PITPNM3: variants seen among roughly 807,000 people sequenced by gnomAD.
The protein encoded by PITPNM3 is PITPNM family member 3.
Under a neutral mutation model 102.0 loss-of-function variants are expected in PITPNM3, and 26 were observed. That is an observed-to-expected ratio of 0.25 (90% CI 0.19 to 0.35). The LOEUF (loss-of-function observed/expected upper bound fraction) is 0.35, where lower values mean the gene tolerates loss of function less well. Among genes scored for constraint, PITPNM3 ranks in the 10% least tolerant of loss-of-function variants. The probability of loss-of-function intolerance (pLI) is 1.00; values close to 1 mark genes in which losing one functional copy is unlikely to be tolerated. For missense variants in PITPNM3, 1,083 were observed against 1,346.1 expected, an observed-to-expected ratio of 0.80 and a Z score of 3.06; for synonymous variants, 578 against 558.6, an observed-to-expected ratio of 1.03 and a Z score of -0.49.
At chr17:6,549,398 G>A (rs917524502) in intron 1 of PITPNM3, among the ~76,000 whole-genome samples, 3 of 152,366 alleles carry the variant, frequency 2.0e-5, no homozygotes, top group Non-Finnish European at 2.9e-5. Flanking sequence ...ATGAACGTGT[G>A]AGCCTCACAA....
chr17:6,520,200 T>C (rs1248313486), intron 3 of PITPNM3, among the ~76,000 whole-genome samples: 1 of 152,222 alleles, frequency 6.6e-6, no homozygotes, highest in East Asian at 1.9e-4. Context: ...TGAAGTTTGA[T>C]AATATCAAAT....
intron 3 of PITPNM3, among the ~76,000 whole-genome samples, chr17:6,506,987 T>C (rs1156312591): frequency 6.6e-6 from 1 of 152,226 alleles, no homozygotes; most frequent in Non-Finnish European, 1.5e-5. Context: ...ACCCTTGGAA[T>C]GCTCTATGGC....
At chr17:6,515,602 G>A (rs1319397567) in intron 3 of PITPNM3, among the ~76,000 whole-genome samples, 1 of 152,004 alleles carries the variant, frequency 6.6e-6, no homozygotes, top group Non-Finnish European at 1.5e-5. Context: ...AGTGTTAATG[G>A]CAGCTGTGTG....
intron 10 of PITPNM3, 66 bp downstream of exon 10, chr17:6,474,366 G>A (rs1047446409): frequency 6.4e-7 from 1 of 1,558,154 alleles, no homozygotes; most frequent in Non-Finnish European, 8.8e-7. Flanking sequence ...TCCTCATTCT[G>A]AGGCCCTGAC....
intron 4 of PITPNM3, among the ~76,000 whole-genome samples, chr17:6,501,837 C>A (rs1597387847): frequency 6.6e-6 from 1 of 152,180 alleles, no homozygotes; most frequent in African/African-American, 2.4e-5. Context: ...TCCCCCGTGG[C>A]CTTGCATGGT....
At chr17:6,555,608 C>T (rs1283236363) in intron 1 of PITPNM3, among the ~76,000 whole-genome samples, 1 of 152,244 alleles carries the variant, frequency 6.6e-6, no homozygotes, top group Non-Finnish European at 1.5e-5. Flanking sequence ...GGGCCTGGGT[C>T]TCCCCAGCAT....
chr17:6,534,611 G>T (rs771400605), intron 2 of PITPNM3, among the ~76,000 whole-genome samples: 6 of 152,144 alleles, frequency 3.9e-5, no homozygotes, highest in Non-Finnish European at 7.4e-5. Context: ...GGTGGTGGTG[G>T]GGGGCAGGGG....
In PITPNM3 at chr17:6,472,096, C is replaced by T. The variant is rs901198959; in HGVS notation, c.1429+561G>A. 6.6e-6 allele frequency among the ~76,000 whole-genome samples: 1 copy of T among 152,176 alleles called. No homozygotes were observed. Among genetic ancestry groups the T allele is most frequent in the Non-Finnish European group, 1.5e-5 (1 of 68,032 alleles). ...TGACTGTCCATTACAGGTCTCCCAT[C>T]GACGATACACTCGGTCCATGCCCGG... On this transcript the variant is annotated intron_variant, in intron 11 of 19. Coordinates refer to ENST00000262483, the MANE Select transcript of PITPNM3 (RefSeq NM_031220.4). This position sits in a 1 kb window ranked among gnomAD's most constrained non-coding sequence, Gnocchi z 4.1.
chr17:6,470,551 G>A lies in PITPNM3; in HGVS notation c.1625-143C>T, dbSNP rs1377498187. ...GGCGGGAGCACCCTGGCCTGGAGGA[G>A]GCCTGGGGAACGCGCTGCTCTTCCT... is the stretch of plus-strand genomic sequence containing the variant. On this transcript the variant is annotated intron_variant, in intron 12 of 19. Transcript: ENST00000262483. The surrounding 1 kb of genome is among the most constrained non-coding windows in gnomAD (Gnocchi z 4.8). 1.8e-6 allele frequency: 2 copies of A among 1,087,458 alleles called. No homozygotes were observed. Among genetic ancestry groups the A allele is most frequent in the South Asian group, 1.3e-5 (1 of 76,378 alleles). The allele number at this position is 1,087,458 out of a possible 1,614,324, so 67.4% of individuals were successfully genotyped here.
chr17:6,544,540 T>A (rs979562968), intron 1 of PITPNM3, among the ~76,000 whole-genome samples: 2 of 149,782 alleles, frequency 1.3e-5, no homozygotes, highest in Non-Finnish European at 3.0e-5. Context: ...TCAAAAAAAA[T>A]AAAAATAAAA....
chr17:6,539,489 A>G (rs1393207013), intron 1 of PITPNM3, among the ~76,000 whole-genome samples: 1 of 152,224 alleles, frequency 6.6e-6, no homozygotes, highest in Non-Finnish European at 1.5e-5. Context: ...TACCAGAACT[A>G]ACAACTGAGT....
At position 6,468,244 on chromosome 17, in the gene PITPNM3, C is replaced by T. The variant is rs993436432; in HGVS notation, c.1871G>A (p.Arg624Gln). The T allele has an allele frequency of 3.7e-6, 6 of 1,613,420 alleles. No individual in the cohort carries two copies. The highest frequency in any genetic ancestry group is 5.1e-6 in the Non-Finnish European group (6 of 1,180,008). The change falls in exon 14 of 20, where the codon CGG (arginine) becomes CAG (glutamine). Residue 624 changes from arginine (R) to glutamine (Q), a missense_variant. Arg to Gln is a conservative substitution (Grantham distance 43). This residue lies in a region of PITPNM3 where 410 missense variants were observed against 638.4 expected (regional missense o/e 0.64). Transcript: ENST00000262483. The surrounding 1 kb of genome is among the most constrained non-coding windows in gnomAD (Gnocchi z 5.2). Reference protein sequence around the residue: ...ANPREKWLRKRTQVKLRNVTA... With the variant: ...ANPREKWLRKQTQVKLRNVTA... ...ACGCACCCTCAGCTTGACCTGAGTC[C>T]GCTTACGAAGCCACTTCTCCCGGGG...
At chr17:6,494,694 C>T (rs888783008) in intron 4 of PITPNM3, among the ~76,000 whole-genome samples, 1 of 152,220 alleles carries the variant, frequency 6.6e-6, no homozygotes, top group African/African-American at 2.4e-5. Context: ...ACGATCTCTT[C>T]ATTCATTGCT....
chr17:6,476,931 T>C lies in PITPNM3; in HGVS notation c.1085+98A>G, dbSNP rs543102672. 105 of 1,426,436 alleles carry C rather than the reference T, an allele frequency of 7.4e-5. No individual in the cohort carries two copies. The South Asian group carries it at 1.2e-3, about 17-fold the overall frequency. The allele number at this position is 1,426,436 out of a possible 1,614,324, so 88.4% of individuals were successfully genotyped here. On this transcript the variant is annotated intron_variant, in intron 9 of 19. Coordinates refer to ENST00000262483, the MANE Select transcript of PITPNM3 (RefSeq NM_031220.4). ...GTCCCAGCATTTCAGTGCTTATCTA[T>C]GGGCCCCCATGGAAGGGCCTGGGAC...
At position 6,484,157 on chromosome 17, in the gene PITPNM3, C is replaced by A; in HGVS notation, c.351+59G>T. 2.7e-6 allele frequency: 4 copies of A among 1,507,340 alleles called. No individual in the cohort carries two copies. The South Asian group carries it at 4.5e-5, about 17-fold the overall frequency. 93.4% of individuals were successfully genotyped at this position (1,507,340 alleles called of 1,614,324 possible). A position where few individuals can be genotyped will look rare whatever the true frequency, so the allele number is the denominator to read the frequency against. On this transcript the variant is annotated intron_variant, in intron 5 of 19. Transcript: ENST00000262483. ...AACGAGGCCGCCTATGATCCGAGGG[C>A]TCTTGCTAAAATCCTGGCCTCTGAG...
At chr17:6,494,282 C>T (rs1048885194) in intron 4 of PITPNM3, among the ~76,000 whole-genome samples, 2 of 152,208 alleles carry the variant, frequency 1.3e-5, no homozygotes, top group Admixed American at 6.5e-5. Flanking sequence ...GGTCTCTTTG[C>T]TCTTACTAAT....
At chr17:6,496,409 C>G (rs1369606015) in intron 4 of PITPNM3, among the ~76,000 whole-genome samples, 3 of 152,120 alleles carry the variant, frequency 2.0e-5, no homozygotes, top group Non-Finnish European at 4.4e-5. Context: ...TTCCCTCTCA[C>G]TGCAGAGTCC....
chr17:6,552,471 C>T (rs1304964081), intron 1 of PITPNM3, among the ~76,000 whole-genome samples: 2 of 152,194 alleles, frequency 1.3e-5, no homozygotes, highest in Admixed American at 1.3e-4. Flanking sequence ...GCTGGCCTCT[C>T]TCCAGCTTCC....
At chr17:6,499,226 C>T (rs530650726) in intron 4 of PITPNM3, among the ~76,000 whole-genome samples, 126 of 152,286 alleles carry the variant, frequency 8.3e-4, no homozygotes, top group African/African-American at 2.5e-3. Context: ...GCTGCCAGGC[C>T]GCCTGCCCAA....
Sources: gnomAD v4.1 joint callset for allele counts (sites outside exome capture counted in the v4.1 genomes callset) on GRCh38, gnomAD v4.1.1 for gene constraint, gnomAD v4.1.1 regional missense constraint, Gnocchi (gnomAD v3.1) non-coding constraint, MANE v1.5 for transcripts, NCBI Gene and HGNC (gene_info 2026-07-23, HGNC 2026-07-21) for gene names.